SRPX2: variants seen among roughly 807,000 people sequenced by gnomAD.
SRPX2 encodes the protein sushi repeat-containing protein SRPX2.
A neutral mutation model predicts 45.3 loss-of-function variants in SRPX2; 26 were observed. The ratio of observed to expected loss-of-function variants is 0.57; its 90% CI spans 0.42 to 0.80. The LOEUF (loss-of-function observed/expected upper bound fraction) is 0.80, where lower values mean the gene tolerates loss of function less well. Ranked by LOEUF, SRPX2 falls within the 30% of genes least tolerant of loss-of-function variation. The pLI is 0.00. For missense variants in SRPX2, 355 were observed against 399.8 expected, an observed-to-expected ratio of 0.89 and a Z score of 0.95; for synonymous variants, 125 against 143.7, an observed-to-expected ratio of 0.87 and a Z score of 0.93.
intron 3 of SRPX2, among the ~76,000 whole-genome samples, chrX:100,655,128 T>C (rs894496748): frequency 8.9e-6 from 1 of 112,434 alleles, no homozygotes; most frequent in Non-Finnish European, 1.9e-5. Context: ...CTTCCAGCTC[T>C]TGGACTCTGG....
chrX:100,650,420 T>A (rs182326590), intron 2 of SRPX2, among the ~76,000 whole-genome samples: 170 of 111,978 alleles, frequency 1.5e-3, no homozygotes, highest in Non-Finnish European at 2.7e-3. Flanking sequence ...CAGAGATTAG[T>A]CCCCAGTGTC....
intron 3 of SRPX2, chrX:100,651,184 T>C (rs1047567928): frequency 1.9e-5 from 5 of 269,876 alleles, no homozygotes; most frequent in Non-Finnish European, 3.2e-5. Context: ...TTATATTCTG[T>C]TGGGGGTGAT....
intron 3 of SRPX2, among the ~76,000 whole-genome samples, chrX:100,661,474 A>T (rs2083186857): frequency 8.9e-6 from 1 of 112,830 alleles, no homozygotes; most frequent in East Asian, 2.7e-4. Flanking sequence ...TTTATTTATT[A>T]AAATTTAATT....
chrX:100,648,292 A>C (rs1280404847), intron 2 of SRPX2, among the ~76,000 whole-genome samples: 1 of 112,425 alleles, frequency 8.9e-6, no homozygotes, highest in African/African-American at 3.2e-5. Flanking sequence ...ATCTTAAGAT[A>C]GTCTTTTAAC....
rs745455864 is a variant in SRPX2, at chrX:100,665,249, A to T, written c.539A>T (p.Asp180Val). Reference protein sequence around the residue: ...SGGEPVCVDIDPPKIRCPHSR... With the variant: ...SGGEPVCVDIVPPKIRCPHSR... Reference sequence around the variant, plus strand: ...TGATTTTTCATCTTGGCAGACATAGATCCCCCCAAGATCCGCTGTCCCCAC... The same window carrying T: ...TGATTTTTCATCTTGGCAGACATAGTTCCCCCCAAGATCCGCTGTCCCCAC... The change falls in exon 6 of 11, where the codon GAT becomes GTT. Residue 180 changes from aspartate to valine, a missense_variant. By Grantham distance (152) the Asp-to-Val change is radical (BLOSUM62 -3). Coordinates refer to ENST00000373004, the MANE Select transcript of SRPX2 (RefSeq NM_014467.3). 12 of 1,209,799 alleles carry T rather than the reference A, an allele frequency of 9.9e-6. No individual in the cohort carries two copies. The highest frequency in any genetic ancestry group is 1.2e-5 in the Non-Finnish European group (11 of 894,709).
intron 2 of SRPX2, chrX:100,649,116 G>T (rs2083144017): frequency 8.9e-6 from 1 of 112,481 alleles, no homozygotes; most frequent in African/African-American, 3.2e-5. Flanking sequence ...CATTGTCGTA[G>T]TTGTTCTTGT....
intron 9 of SRPX2, among the ~76,000 whole-genome samples, chrX:100,668,943 T>C (rs1419784904): frequency 8.9e-6 from 1 of 112,242 alleles, no homozygotes; most frequent in Non-Finnish European, 1.9e-5. Flanking sequence ...CAAGAACTTA[T>C]GTAATTTAAA....
intron 3 of SRPX2, among the ~76,000 whole-genome samples, chrX:100,653,526 T>G (rs143874356): frequency 0.028 from 3,111 of 111,100 alleles, 45 homozygotes; most frequent in Non-Finnish European, 0.042. Context: ...CCAAACCTAC[T>G]GGCCCACAAT....
In SRPX2 at chrX:100,673,716, C is replaced by T. The variant is rs2083239364; in HGVS notation, c.*2729C>T. The T allele has an allele frequency of 9.0e-6, 1 of 111,610 alleles. No homozygotes were observed. The highest frequency in any genetic ancestry group is 3.3e-5 in the African/African-American group (1 of 30,636). The allele number at this position is 111,610 out of a possible 1,213,427, so 9.2% of individuals were successfully genotyped here. A position where few individuals can be genotyped will look rare whatever the true frequency, so the allele number is the denominator to read the frequency against. On this transcript the variant is annotated 3_prime_UTR_variant, in exon 11 of 11. Transcript: ENST00000373004. ...AAGATATTTTAGAAGAGATGAGTCA[C>T]GTCTTCCTTTGACCCTTCACCCATA... is the stretch of plus-strand genomic sequence containing the variant.
chrX:100,661,156 G>A (rs984718139), intron 3 of SRPX2: 2 of 111,853 alleles, frequency 1.8e-5, no homozygotes, highest in Non-Finnish European at 3.8e-5. Flanking sequence ...CAAACACTTG[G>A]TATTACCAGT....
chrX:100,660,701 C>T (rs1043950926), intron 3 of SRPX2, among the ~76,000 whole-genome samples: 22 of 110,936 alleles, frequency 2.0e-4, no homozygotes, highest in Admixed American at 3.8e-4. Context: ...ATTAGCTGGG[C>T]GTGGTGGCAG....
rs963161206 is a variant in SRPX2 at position 100,672,222 on chromosome X, G to A, written c.*1235G>A. The A allele has an allele frequency of 8.9e-6, 1 of 112,325 alleles. No homozygotes were observed. Among genetic ancestry groups the A allele is most frequent in the African/African-American group, 3.2e-5 (1 of 30,900 alleles). 9.3% of individuals were successfully genotyped at this position (112,325 alleles called of 1,213,427 possible). A position where few individuals can be genotyped will look rare whatever the true frequency, so the allele number is the denominator to read the frequency against. On this transcript the variant is annotated 3_prime_UTR_variant, in exon 11 of 11. Coordinates refer to ENST00000373004, the MANE Select transcript of SRPX2 (RefSeq NM_014467.3). ...CAGTCCCTCTCAATGGTGTGCCAGT[G>A]TCTGAAAGACAAGTGTTCTCTCCCT... is the stretch of plus-strand genomic sequence containing the variant.
chrX:100,661,947 T>G (rs1327412284), intron 3 of SRPX2, among the ~76,000 whole-genome samples: 4 of 101,099 alleles, frequency 4.0e-5, no homozygotes, highest in East Asian at 3.1e-4. Context: ...TTTTTTTTTT[T>G]TTTTTTTTTT....
Position 100,646,241 on chromosome X carries a change from A to G in SRPX2, c.-82A>G. 1.1e-6 allele frequency: 1 copy of G among 911,610 alleles called. No homozygotes were observed. The highest frequency in any genetic ancestry group is 1.6e-6 in the Non-Finnish European group (1 of 626,471). 75.1% of individuals were successfully genotyped at this position (911,610 alleles called of 1,213,427 possible). Reference sequence around the variant, plus strand: ...ACTTTTAGAAGTTAATTGATGGCTGACTTCTGAAAGTCACTTTCCTTTGCC... The same window carrying G: ...ACTTTTAGAAGTTAATTGATGGCTGGCTTCTGAAAGTCACTTTCCTTTGCC... On this transcript the variant is annotated 5_prime_UTR_variant, in exon 2 of 11. Coordinates refer to ENST00000373004, the MANE Select transcript of SRPX2 (RefSeq NM_014467.3).
At chrX:100,644,820 G>C (rs959675941) in intron 1 of SRPX2, among the ~76,000 whole-genome samples, 1 of 111,357 alleles carries the variant, frequency 9.0e-6, no homozygotes, top group African/African-American at 3.3e-5. Context: ...TCTGAAAAAG[G>C]AATGCCTCTG....
In SRPX2 at chrX:100,662,258, C is replaced by A; in HGVS notation, c.246C>A (p.Ser82Arg). 1 of 1,211,760 alleles carries A rather than the reference C, an allele frequency of 8.3e-7. No individual in the cohort carries two copies. Among genetic ancestry groups the A allele is most frequent in the Non-Finnish European group, 1.1e-6 (1 of 895,519 alleles). ...CGAAGGGAGGAAATTATCACAGCAG[C>A]CTGGGCACGCGTTGTGAGCTCTCCT... ...YSPKGGNYHS[S>R]LGTRCELSCD... is the part of the protein sequence containing the mutation. Residue 82 changes from serine to arginine, a missense_variant, in exon 4 of 11, where the codon AGC becomes AGA. Transcript: ENST00000373004.
At chrX:100,655,219 T>C (rs1394789836) in intron 3 of SRPX2, among the ~76,000 whole-genome samples, 1 of 111,954 alleles carries the variant, frequency 8.9e-6, no homozygotes, top group African/African-American at 3.3e-5. Context: ...ACACTTGCTA[T>C]GTAGTGATAT....
intron 2 of SRPX2, among the ~76,000 whole-genome samples, chrX:100,647,420 A>T (rs2083138961): frequency 8.9e-6 from 1 of 112,782 alleles, no homozygotes; most frequent in South Asian, 3.6e-4. Flanking sequence ...AAATATGCAA[A>T]CTTCTTCCCC....
intron 3 of SRPX2, among the ~76,000 whole-genome samples, chrX:100,655,501 A>G (rs1183017375): frequency 9.0e-6 from 1 of 111,603 alleles, no homozygotes; most frequent in African/African-American, 3.3e-5. Flanking sequence ...TATCTATTCA[A>G]CAAGGTCAGT....
Sources: allele counts gnomAD v4.1 joint callset (sites outside exome capture counted in the v4.1 genomes callset), GRCh38; gene constraint gnomAD v4.1.1; transcripts MANE v1.5; gene names NCBI Gene and HGNC (gene_info 2026-07-23, HGNC 2026-07-21).